Variants in HAPLN1 observed in about 807,000 individuals in gnomAD.
HAPLN1 encodes hyaluronan and proteoglycan link protein 1.
HAPLN1 carries 13 observed loss-of-function variants against 36.5 expected under a neutral mutation model. That is an observed-to-expected ratio of 0.36 (90% CI 0.23 to 0.57). The LOEUF is 0.57. Among genes scored for constraint, HAPLN1 ranks in the 20% least tolerant of loss-of-function variants. The pLI is 0.83. For missense variants in HAPLN1, 407 were observed against 439.7 expected, an observed-to-expected ratio of 0.93 and a Z score of 0.66; for synonymous variants, 202 against 169.8, an observed-to-expected ratio of 1.19 and a Z score of -1.48.
intron 1 of HAPLN1, among the ~76,000 whole-genome samples, chr5:83,700,890 T>G (rs1477997041): frequency 6.6e-6 from 1 of 152,122 alleles, no homozygotes; most frequent in African/African-American, 2.4e-5. Flanking sequence ...CAAAATAAAG[T>G]TTTTCAACTC....
intron 1 of HAPLN1, among the ~76,000 whole-genome samples, chr5:83,680,195 G>C (rs1266754221): frequency 1.3e-5 from 2 of 152,082 alleles, no homozygotes; most frequent in East Asian, 1.9e-4. Context: ...GCTTGAGATG[G>C]GGGTTAGACT....
intron 1 of HAPLN1, among the ~76,000 whole-genome samples, chr5:83,699,012 A>T (rs1225080736): frequency 6.6e-6 from 1 of 152,190 alleles, no homozygotes; most frequent in East Asian, 1.9e-4. Context: ...TTTTTAAAAA[A>T]CTTGTTAAAT....
chr5:83,669,981 A>ATC lies in HAPLN1; in HGVS notation c.100+3442_100+3443insGA, dbSNP rs1428396018. Among the ~76,000 whole-genome samples the ATC allele has an allele frequency of 2.6e-5, 4 of 152,310 alleles. No homozygotes were observed. The East Asian group carries it at 5.8e-4, about 22-fold the overall frequency. On this transcript the variant is annotated intron_variant, in intron 2 of 4. Transcript: ENST00000274341. ...CAGAAGACCTCTGCTTGAACACCAA[A>ATC]TGCAGGAAGCACTGACTCTGACCTT...
intron 4 of HAPLN1, among the ~76,000 whole-genome samples, chr5:83,643,027 C>T (rs1561297960): frequency 6.6e-6 from 1 of 151,986 alleles, no homozygotes; most frequent in Non-Finnish European, 1.5e-5. Flanking sequence ...TGGCCCTTTA[C>T]AGAAAAAGAT....
intron 2 of HAPLN1, among the ~76,000 whole-genome samples, chr5:83,657,394 C>A (rs1020871505): frequency 6.6e-6 from 1 of 151,978 alleles, no homozygotes; most frequent in African/African-American, 2.4e-5. Flanking sequence ...CACAAAGTTT[C>A]TGTTTTTAAT....
At position 83,641,678 on chromosome 5, in the gene HAPLN1, C is replaced by A; in HGVS notation, c.883G>T (p.Ala295Ser). ...CGGTCATATCCGAGAATTTTCCAGGCAGCAAATATCTGGCCCACTTTTGCA... is the reference window on the plus strand; with the variant it reads ...CGGTCATATCCGAGAATTTTCCAGGAAGCAAATATCTGGCCCACTTTTGCA... ...QIAKVGQIFA[A>S]WKILGYDRCD... is the part of the protein sequence containing the mutation. Residue 295 changes from alanine (A) to serine (S), a missense_variant, in exon 5 of 5, where the codon GCC (alanine) becomes TCC (serine). Physicochemically the swap from Ala to Ser is moderately conservative, Grantham distance 99 (BLOSUM62 1). Transcript: ENST00000274341. 1 of 1,614,196 alleles carries A rather than the reference C, an allele frequency of 6.2e-7. No homozygotes were observed. The highest frequency in any genetic ancestry group is 8.5e-7 in the Non-Finnish European group (1 of 1,180,042).
intron 2 of HAPLN1, among the ~76,000 whole-genome samples, chr5:83,661,208 A>ATATCTATATCTATATCTATATCTATATC (rs756067086): frequency 5.6e-4 from 85 of 151,892 alleles, no homozygotes; most frequent in Non-Finnish European, 4.6e-4. Context: ...ATCTATATCT[A>ATATCTATATCTATATCTATATCTATATC]TATCTATATC....
chr5:83,714,885 A>G (rs1372009179), intron 1 of HAPLN1, among the ~76,000 whole-genome samples: 3 of 152,256 alleles, frequency 2.0e-5, no homozygotes, highest in Non-Finnish European at 4.4e-5. Context: ...GGCAAAGTGA[A>G]CAGGAATGTT....
At chr5:83,646,310 G>A (rs1413604226) in intron 3 of HAPLN1, among the ~76,000 whole-genome samples, 1 of 152,230 alleles carries the variant, frequency 6.6e-6, no homozygotes, top group African/African-American at 2.4e-5. Flanking sequence ...CATCTGGAAT[G>A]CAAACATTTG....
intron 4 of HAPLN1, among the ~76,000 whole-genome samples, chr5:83,642,231 TA>T (rs576205674): frequency 1.6e-3 from 240 of 151,688 alleles, no homozygotes; most frequent in Middle Eastern, 3.4e-3. Flanking sequence ...AAAGTCCATT[TA>T]AAAAAAAATC....
At chr5:83,657,843 A>G (rs1409689996) in intron 2 of HAPLN1, among the ~76,000 whole-genome samples, 1 of 151,874 alleles carries the variant, frequency 6.6e-6, no homozygotes, top group East Asian at 1.9e-4. Flanking sequence ...TGTATTTAAG[A>G]TGGCTAAATA....
chr5:83,699,509 AAT>A (rs1187729000), intron 1 of HAPLN1, among the ~76,000 whole-genome samples: 4 of 152,218 alleles, frequency 2.6e-5, no homozygotes, highest in Non-Finnish European at 4.4e-5. Flanking sequence ...CCAGAGCATG[AAT>A]ATAATTATGT....
intron 1 of HAPLN1, among the ~76,000 whole-genome samples, chr5:83,676,933 T>C (rs1183660837): frequency 6.6e-6 from 1 of 152,234 alleles, no homozygotes; most frequent in Non-Finnish European, 1.5e-5. Flanking sequence ...ACAGTCCTGC[T>C]TTGTTGATAA....
chr5:83,643,599 C>CT lies in HAPLN1; in HGVS notation c.775+763dup, dbSNP rs202201721. Among the ~76,000 whole-genome samples the CT allele has an allele frequency of 2.3e-3, 341 of 151,164 alleles. 1 individual carries two copies. The highest frequency in any genetic ancestry group is 3.9e-3 in the Non-Finnish European group (261 of 67,670). On this transcript the variant is annotated intron_variant, in intron 4 of 4. Coordinates refer to ENST00000274341, the MANE Select transcript of HAPLN1 (RefSeq NM_001884.4). ...AACAAGGAGCTCCACATTTTCTTTC[C>CT]TTTTTTTTTCTTTTTATTTATTTAT...
intron 1 of HAPLN1, among the ~76,000 whole-genome samples, chr5:83,716,270 G>A (rs952969723): frequency 6.6e-6 from 1 of 152,192 alleles, no homozygotes; most frequent in African/African-American, 2.4e-5. Context: ...AACCAGTAGA[G>A]TAAATTGTGT....
intron 1 of HAPLN1, chr5:83,682,591 G>A (rs986033711): frequency 3.9e-5 from 6 of 152,030 alleles, no homozygotes; most frequent in African/African-American, 7.2e-5. Context: ...AGATCCTTAC[G>A]AAAGTTTACT....
At chr5:83,694,073 A>G (rs1022292591) in intron 1 of HAPLN1, among the ~76,000 whole-genome samples, 3 of 152,014 alleles carry the variant, frequency 2.0e-5, no homozygotes, top group Non-Finnish European at 4.4e-5. Context: ...AAGAAATGTA[A>G]AAGGATTTAC....
chr5:83,715,747 C>T (rs570231210), intron 1 of HAPLN1, among the ~76,000 whole-genome samples: 8 of 152,306 alleles, frequency 5.3e-5, no homozygotes, highest in African/African-American at 1.9e-4. Flanking sequence ...TCTGTGTCCA[C>T]ACAGCCAAGA....
At chr5:83,662,957 T>C (rs1750447561) in intron 2 of HAPLN1, among the ~76,000 whole-genome samples, 1 of 152,242 alleles carries the variant, frequency 6.6e-6, no homozygotes, top group South Asian at 2.1e-4. Context: ...GGAACTTTGA[T>C]TTTTTTATCT....
Sources: allele counts gnomAD v4.1 joint callset (sites outside exome capture counted in the v4.1 genomes callset), GRCh38; gene constraint gnomAD v4.1.1; transcripts MANE v1.5; gene names NCBI Gene and HGNC (gene_info 2026-07-23, HGNC 2026-07-21).